MAF: variants seen among roughly 807,000 people sequenced by gnomAD.
MAF encodes the protein transcription factor Maf.
A neutral mutation model predicts 22.0 loss-of-function variants in MAF; 10 were observed. That is an observed-to-expected ratio of 0.45 (90% CI 0.28 to 0.77). MAF has a LOEUF of 0.77. MAF is among the 30% of genes least tolerant of loss of function. The pLI, the probability that MAF is intolerant of heterozygous loss-of-function variation, is 0.12. For missense variants in MAF, 544 were observed against 548.4 expected, an observed-to-expected ratio of 0.99 and a Z score of 0.08; for synonymous variants, 337 against 255.8, an observed-to-expected ratio of 1.32 and a Z score of -3.03.
At chr16:79,417,154 T>C in the MAF span, among the ~76,000 whole-genome samples, 1 of 152,110 alleles carries the variant, frequency 6.6e-6, no homozygotes, top group African/African-American at 2.4e-5. Context: ...GCTGAGGAGG[T>C]GCCTGCAGCC....
the MAF span, among the ~76,000 whole-genome samples, chr16:79,524,717 C>G: frequency 2.0e-5 from 3 of 152,200 alleles, no homozygotes; most frequent in Non-Finnish European, 4.4e-5. Flanking sequence ...AGAAATCATT[C>G]TGTTATCATC....
At chr16:79,248,258 C>G in the MAF span, among the ~76,000 whole-genome samples, 1 of 151,912 alleles carries the variant, frequency 6.6e-6, no homozygotes, top group East Asian at 1.9e-4. Flanking sequence ...TTAAATGATC[C>G]TACCTGATAA....
chr16:79,420,387 T>C, the MAF span, among the ~76,000 whole-genome samples: 1 of 152,224 alleles, frequency 6.6e-6, no homozygotes. Context: ...AGTGGCCGCA[T>C]GTTGACACGC....
the MAF span, among the ~76,000 whole-genome samples, chr16:79,509,215 C>T: frequency 1.3e-5 from 2 of 152,140 alleles, no homozygotes; most frequent in African/African-American, 2.4e-5. Context: ...GCATTCTAAG[C>T]AGAAGCAGAA....
chr16:79,447,915 G>C, the MAF span, among the ~76,000 whole-genome samples: 3 of 71,668 alleles, frequency 4.2e-5, no homozygotes, highest in Non-Finnish European at 8.5e-5. Context: ...AAAAAGAAAA[G>C]AAAAAGAAAA....
At chr16:79,432,129 C>T in the MAF span, among the ~76,000 whole-genome samples, 1 of 152,124 alleles carries the variant, frequency 6.6e-6, no homozygotes, top group African/African-American at 2.4e-5. Flanking sequence ...GGGATGGTTT[C>T]CCCCATGCTG....
At chr16:79,208,339 A>C in the MAF span, among the ~76,000 whole-genome samples, 3 of 151,910 alleles carry the variant, frequency 2.0e-5, no homozygotes, top group African/African-American at 7.3e-5. Context: ...CATGATTAGC[A>C]ACCATATACA....
chr16:79,539,269 C>A, the MAF span, among the ~76,000 whole-genome samples: 4 of 152,260 alleles, frequency 2.6e-5, no homozygotes, highest in East Asian at 1.9e-4. Flanking sequence ...TTCGGGAGGC[C>A]GAGCCGGGTG....
At chr16:79,391,101 A>G in the MAF span, among the ~76,000 whole-genome samples, 1,381 of 152,232 alleles carry the variant, frequency 9.1e-3, 22 homozygotes, top group African/African-American at 0.032. Context: ...TTGTTCCATC[A>G]TCATAGCACA....
the MAF span, among the ~76,000 whole-genome samples, chr16:79,575,199 G>A: frequency 1.3e-5 from 2 of 152,028 alleles, no homozygotes; most frequent in African/African-American, 2.4e-5. Flanking sequence ...GGGTGCACAT[G>A]AATCTCAGTA....
the MAF span, among the ~76,000 whole-genome samples, chr16:79,421,800 C>CA: frequency 6.6e-6 from 1 of 152,028 alleles, no homozygotes; most frequent in African/African-American, 2.4e-5. Context: ...TCTTTTGAGA[C>CA]AGAGTCTTGC....
At position 79,594,989 on chromosome 16, in the gene MAF, G is replaced by A. The variant is rs1353251712; in HGVS notation, c.1119-436C>T. 4 of 1,076,470 alleles carry A rather than the reference G, an allele frequency of 3.7e-6. No homozygotes were observed. The Admixed American group carries it at 1.4e-4, about 38-fold the overall frequency. The allele number at this position is 1,076,470 out of a possible 1,614,324, so 66.7% of individuals were successfully genotyped here. ...AGGCCTCATTTGTCATGAGATAACT[G>A]CAATAACTACATCCAGAATATCACT... On this transcript the variant is annotated intron_variant, in intron 1 of 1. Transcript: ENST00000326043.
At chr16:79,405,508 G>C in the MAF span, among the ~76,000 whole-genome samples, 1 of 152,216 alleles carries the variant, frequency 6.6e-6, no homozygotes, top group African/African-American at 2.4e-5. Context: ...ATGGGGCATA[G>C]AAGTCACTTC....
At chr16:79,402,374 T>G in the MAF span, among the ~76,000 whole-genome samples, 1 of 152,114 alleles carries the variant, frequency 6.6e-6, no homozygotes, top group South Asian at 2.1e-4. Context: ...GGCTTGGAAA[T>G]GGGGAGCAGG....
the MAF span, among the ~76,000 whole-genome samples, chr16:79,525,531 G>T: frequency 6.6e-6 from 1 of 152,118 alleles, no homozygotes; most frequent in Non-Finnish European, 1.5e-5. Context: ...CATTATTCTA[G>T]GAGAGAGAGG....
At chr16:79,272,475 G>A in the MAF span, among the ~76,000 whole-genome samples, 6,779 of 152,274 alleles carry the variant, frequency 0.045, 158 homozygotes, top group Non-Finnish European at 0.054. Context: ...AGGGGGAGGT[G>A]GGAGCTTTCA....
At chr16:79,255,523 CACAACA>C in the MAF span, among the ~76,000 whole-genome samples, 1 of 152,218 alleles carries the variant, frequency 6.6e-6, no homozygotes, top group South Asian at 2.1e-4. Context: ...GCATTCACCT[CACAACA>C]ATAACACATT....
At chr16:79,531,305 G>A in the MAF span, among the ~76,000 whole-genome samples, 1 of 152,000 alleles carries the variant, frequency 6.6e-6, no homozygotes, top group African/African-American at 2.4e-5. Flanking sequence ...AAAAATCTGG[G>A]AATCTTTAAG....
chr16:79,209,417 C>T, the MAF span, among the ~76,000 whole-genome samples: 56 of 152,204 alleles, frequency 3.7e-4, no homozygotes, highest in Non-Finnish European at 5.4e-4. Flanking sequence ...CTTTCCCAAA[C>T]GGACTGCTTT....
Sources: gnomAD v4.1 joint callset for allele counts (sites outside exome capture counted in the v4.1 genomes callset) on GRCh38, gnomAD v4.1.1 for gene constraint, MANE v1.5 for transcripts, NCBI Gene and HGNC (gene_info 2026-07-23, HGNC 2026-07-21) for gene names.